Variants in PTGR3 observed in about 807,000 individuals in gnomAD.
PTGR3 encodes prostaglandin reductase 3.
At chr18:75,207,941 T>A in the PTGR3 span, among the ~76,000 whole-genome samples, 1 of 152,212 alleles carries the variant, frequency 6.6e-6, no homozygotes, top group Non-Finnish European at 1.5e-5. Context: ...TGCAGGCCTC[T>A]GCAGAGGGCA....
chr18:75,201,165 C>T, the PTGR3 span: 3 of 485,110 alleles, frequency 6.2e-6, no homozygotes, highest in Non-Finnish European at 1.1e-5. Flanking sequence ...ACGAGACCAT[C>T]CATGACTAAA....
chr18:75,203,184 C>T, the PTGR3 span, among the ~76,000 whole-genome samples: 1 of 152,126 alleles, frequency 6.6e-6, no homozygotes, highest in Non-Finnish European at 1.5e-5. Flanking sequence ...TATCCGGAGT[C>T]AATTTAATTG....
At chr18:75,198,276 A>C in the PTGR3 span, 1 of 152,238 alleles carries the variant, frequency 6.6e-6, no homozygotes, top group Non-Finnish European at 1.5e-5. Flanking sequence ...CGTTGTACTG[A>C]GGACATTACA....
chr18:75,198,267 G>A, the PTGR3 span: 8 of 152,146 alleles, frequency 5.3e-5, no homozygotes, highest in East Asian at 3.9e-4. Context: ...GAAGGTCTGC[G>A]TTGTACTGAG....
chr18:75,209,096 C>G, the PTGR3 span: 1 of 1,434,112 alleles, frequency 7.0e-7, no homozygotes, highest in Non-Finnish European at 9.2e-7. The surrounding 1 kb of genome is among the most constrained non-coding windows in gnomAD (Gnocchi z 4.7). Context: ...CCGACGCTGG[C>G]CGGGGTCGGC....
chr18:75,202,483 C>A, the PTGR3 span: 2 of 662,332 alleles, frequency 3.0e-6, no homozygotes, highest in Non-Finnish European at 5.0e-6. Context: ...GAAAATTAGT[C>A]CTGCTGCTCA....
At chr18:75,207,429 G>A in the PTGR3 span, among the ~76,000 whole-genome samples, 1 of 152,184 alleles carries the variant, frequency 6.6e-6, no homozygotes, top group Non-Finnish European at 1.5e-5. Context: ...CATGCGTTCT[G>A]TGTGCTCCAC....
the PTGR3 span, chr18:75,208,952 A>G: frequency 6.3e-7 from 1 of 1,594,204 alleles, no homozygotes. Context: ...GGTCACCACC[A>G]GCTTCTGCAT....
At chr18:75,208,969 G>A in the PTGR3 span, 2 of 1,595,112 alleles carry the variant, frequency 1.3e-6, no homozygotes, top group Non-Finnish European at 8.5e-7. Flanking sequence ...GCATGGCTTG[G>A]GGAATGGCGG....
the PTGR3 span, chr18:75,202,399 T>A: frequency 3.3e-6 from 5 of 1,520,660 alleles, no homozygotes; most frequent in African/African-American, 6.9e-5. Flanking sequence ...GCATTTAGAT[T>A]CTGCTTAGAG....
the PTGR3 span, chr18:75,199,797 T>C: frequency 6.5e-6 from 1 of 152,778 alleles, no homozygotes; most frequent in East Asian, 1.9e-4. Flanking sequence ...AGTGCAGTTG[T>C]GACACTTCGG....
chr18:75,199,927 C>T, the PTGR3 span: 1 of 152,550 alleles, frequency 6.6e-6, no homozygotes, highest in Non-Finnish European at 1.5e-5. Flanking sequence ...TGCATGCATG[C>T]TAGCAGCTAC....
At chr18:75,197,314 AC>A in the PTGR3 span, 1 of 152,198 alleles carries the variant, frequency 6.6e-6, no homozygotes, top group Non-Finnish European at 1.5e-5. Context: ...GGAGGTAGAC[AC>A]CCCATTCTCC....
At chr18:75,201,427 T>TG in the PTGR3 span, 2 of 1,609,134 alleles carry the variant, frequency 1.2e-6, no homozygotes, top group Non-Finnish European at 1.7e-6. Context: ...TACAGCTTAC[T>TG]GTTGACAGAG....
At chr18:75,202,952 T>TA in the PTGR3 span, among the ~76,000 whole-genome samples, 7 of 152,316 alleles carry the variant, frequency 4.6e-5, no homozygotes, top group South Asian at 1.0e-3. Flanking sequence ...GAAGCACTGT[T>TA]AGAGTGGCTG....
chr18:75,202,074 G>C, the PTGR3 span: 1 of 1,614,090 alleles, frequency 6.2e-7, no homozygotes, highest in Non-Finnish European at 8.5e-7. Context: ...GATGTATGCG[G>C]TGGTGCCACT....
At chr18:75,203,055 A>G in the PTGR3 span, among the ~76,000 whole-genome samples, 1 of 152,194 alleles carries the variant, frequency 6.6e-6, no homozygotes, top group Non-Finnish European at 1.5e-5. Context: ...TTTTTATGAA[A>G]CATTCAACAT....
At chr18:75,207,402 A>G in the PTGR3 span, among the ~76,000 whole-genome samples, 1 of 152,182 alleles carries the variant, frequency 6.6e-6, no homozygotes, top group Non-Finnish European at 1.5e-5. Context: ...TGTCATCTCA[A>G]CTTCTAGCAA....
At chr18:75,209,099 G>A in the PTGR3 span, 1 of 1,429,790 alleles carries the variant, frequency 7.0e-7, no homozygotes, top group Non-Finnish European at 9.2e-7. The surrounding 1 kb of genome is among the most constrained non-coding windows in gnomAD (Gnocchi z 4.7). Flanking sequence ...ACGCTGGCCG[G>A]GGTCGGCCCC....
Sources: gnomAD v4.1 joint callset for allele counts (sites outside exome capture counted in the v4.1 genomes callset) on GRCh38, gnomAD v4.1.1 for gene constraint, Gnocchi (gnomAD v3.1) non-coding constraint, MANE v1.5 for transcripts, NCBI Gene and HGNC (gene_info 2026-07-23, HGNC 2026-07-21) for gene names.